Variants in ODAD2 observed in about 807,000 individuals in gnomAD.
The protein encoded by ODAD2 is outer dynein arm docking complex subunit 2, also known as outer dynein arm-docking complex subunit 2.
A neutral mutation model predicts 106.8 loss-of-function variants in ODAD2; 89 were observed. That is an observed-to-expected ratio of 0.83 (90% CI 0.70 to 0.99). The LOEUF is 0.99. Ranked by LOEUF, ODAD2 falls within the 50% of genes least tolerant of loss-of-function variation. ODAD2 has a pLI of 0.00. For synonymous variants in ODAD2, 404 were observed against 436.2 expected (o/e 0.93, Z 0.92); for missense variants, 1,168 against 1,238.5 (o/e 0.94, Z 0.85).
intron 17 of ODAD2, among the ~76,000 whole-genome samples, chr10:27,876,054 G>C (rs981104066): frequency 6.6e-6 from 1 of 152,182 alleles, no homozygotes; most frequent in Non-Finnish European, 1.5e-5. Context: ...CAGGAAGCTC[G>C]AACTGCGTGG....
intron 19 of ODAD2, among the ~76,000 whole-genome samples, chr10:27,839,716 A>G (rs560137168): frequency 1.3e-5 from 2 of 152,326 alleles, no homozygotes; most frequent in South Asian, 4.1e-4. Context: ...TAACATATAA[A>G]GATGTATAAT....
intron 7 of ODAD2, among the ~76,000 whole-genome samples, chr10:27,980,517 A>G (rs1849479037): frequency 6.6e-6 from 1 of 152,162 alleles, no homozygotes; most frequent in Non-Finnish European, 1.5e-5. Context: ...TAAGGACTCA[A>G]GCAGACATTT....
chr10:27,824,303 G>GT (rs1836868184), intron 19 of ODAD2, among the ~76,000 whole-genome samples: 1 of 152,176 alleles, frequency 6.6e-6, no homozygotes, highest in South Asian at 2.1e-4. Context: ...CATTGTAACA[G>GT]TATTAAGAAG....
chr10:27,874,563 C>A (rs1253934775), intron 17 of ODAD2, among the ~76,000 whole-genome samples: 1 of 152,216 alleles, frequency 6.6e-6, no homozygotes, highest in African/African-American at 2.4e-5. Context: ...GTGACAAAAT[C>A]TCTCAGCATT....
rs1718546368 is a variant in ODAD2 at position 27,985,201 on chromosome 10, GTC to G, written c.391_392del (p.Asp131ProfsTer9). 6.6e-7 allele frequency: 1 copy of G among 1,525,758 alleles called. No individual in the cohort carries two copies. Among genetic ancestry groups the G allele is most frequent in the African/African-American group, 1.4e-5 (1 of 70,462 alleles). The allele number at this position is 1,525,758 out of a possible 1,614,324, so 94.5% of individuals were successfully genotyped here. On this transcript the variant is annotated frameshift_variant, in exon 4 of 20. Transcript: ENST00000305242. LOFTEE classifies it high-confidence loss of function. ...CAGAGCCCAGGATTTTTACTATGGGGTCTCTGTTAGCTGCCAAAAAAAAAAAA... is the reference window on the plus strand; with the variant it reads ...CAGAGCCCAGGATTTTTACTATGGGGTCTGTTAGCTGCCAAAAAAAAAAAA... The part of the protein sequence containing the change: ...EAQACVEANR[D>X]PIVKILGSDY...
chr10:27,819,574 TA>T (rs56031733), intron 19 of ODAD2, among the ~76,000 whole-genome samples: 41,929 of 73,750 alleles, frequency 0.57, 12,689 homozygotes, highest in Non-Finnish European at 0.69. Flanking sequence ...CCCTGTCTCT[TA>T]AAAAAAAAAA....
chr10:27,994,685 A>G (rs1850444805), intron 2 of ODAD2, among the ~76,000 whole-genome samples: 1 of 152,178 alleles, frequency 6.6e-6, no homozygotes, highest in Non-Finnish European at 1.5e-5. Context: ...AAAGAAATTT[A>G]CCCACAAAAA....
At position 27,939,892 on chromosome 10, in the gene ODAD2, T is replaced by C. The variant is rs1846263013; in HGVS notation, c.2097+5A>G. On this transcript the variant is annotated splice_donor_5th_base_variant and intron_variant, in intron 14 of 19. Coordinates refer to ENST00000305242, the MANE Select transcript of ODAD2 (RefSeq NM_018076.5). ...GCCAACAACCGCTGGGAGAGTTCAC[T>C]GCACCTGGTAAATGGCCATGGCGCA... is the stretch of plus-strand genomic sequence containing the variant. 4 of 1,579,892 alleles carry C rather than the reference T, an allele frequency of 2.5e-6. No homozygotes were observed. The highest frequency in any genetic ancestry group is 3.4e-6 in the Non-Finnish European group (4 of 1,160,612).
chr10:27,869,818 A>G (rs1422366656), intron 17 of ODAD2, among the ~76,000 whole-genome samples: 2 of 152,104 alleles, frequency 1.3e-5, no homozygotes, highest in African/African-American at 4.8e-5. Flanking sequence ...TACAGGCATG[A>G]GCCACCATGC....
At chr10:27,877,039 G>A (rs148552356) in intron 17 of ODAD2, among the ~76,000 whole-genome samples, 25 of 151,734 alleles carry the variant, frequency 1.6e-4, no homozygotes, top group Admixed American at 1.3e-3. Context: ...ATCACTCAGT[G>A]AACATTCAAA....
intron 17 of ODAD2, among the ~76,000 whole-genome samples, chr10:27,894,689 A>T (rs927819075): frequency 6.6e-6 from 1 of 151,258 alleles, no homozygotes; most frequent in Non-Finnish European, 1.5e-5. Context: ...CAATCCTCCC[A>T]CCTCAGTCTC....
chr10:27,842,554 T>C (rs976825986), intron 19 of ODAD2, among the ~76,000 whole-genome samples: 1 of 152,196 alleles, frequency 6.6e-6, no homozygotes, highest in Non-Finnish European at 1.5e-5. Flanking sequence ...CTTCTACCAT[T>C]TGAAAGATTA....
At chr10:27,983,216 C>G (rs767891186) in intron 6 of ODAD2, among the ~76,000 whole-genome samples, 3 of 152,226 alleles carry the variant, frequency 2.0e-5, no homozygotes, top group Non-Finnish European at 2.9e-5. Flanking sequence ...TATCAGTCAT[C>G]CAGTGCTCCA....
intron 16 of ODAD2, among the ~76,000 whole-genome samples, chr10:27,928,695 C>T (rs898110299): frequency 2.0e-5 from 3 of 152,188 alleles, no homozygotes; most frequent in African/African-American, 7.2e-5. Context: ...GCAAAATCAT[C>T]TTATACAGAT....
At chr10:27,816,525 A>G (rs1317873377) in intron 19 of ODAD2, among the ~76,000 whole-genome samples, 1 of 152,204 alleles carries the variant, frequency 6.6e-6, no homozygotes, top group Non-Finnish European at 1.5e-5. Context: ...AAGTGAAAAC[A>G]GGAGGCTACT....
chr10:27,989,148 A>T (rs1850066957), intron 2 of ODAD2, among the ~76,000 whole-genome samples: 1 of 152,170 alleles, frequency 6.6e-6, no homozygotes, highest in African/African-American at 2.4e-5. Context: ...GGTTCATTTT[A>T]GACTTCTGAC....
At chr10:27,989,889 C>A (rs574729494) in intron 2 of ODAD2, among the ~76,000 whole-genome samples, 1 of 152,136 alleles carries the variant, frequency 6.6e-6, no homozygotes, top group South Asian at 2.1e-4. Context: ...TAAAAAACGC[C>A]AGCTATGGAC....
At chr10:27,916,640 T>C (rs1844396568) in intron 16 of ODAD2, among the ~76,000 whole-genome samples, 1 of 152,268 alleles carries the variant, frequency 6.6e-6, no homozygotes, top group Non-Finnish European at 1.5e-5. Context: ...GAAGATTCAC[T>C]TCCACTTAAT....
intron 10 of ODAD2, chr10:27,958,995 C>T (rs1847920211): frequency 7.7e-7 from 1 of 1,303,206 alleles, no homozygotes; most frequent in African/African-American, 1.5e-5. Context: ...AGATAATGGA[C>T]CGGGACTCTT....
Sources: gnomAD v4.1 joint callset for allele counts (sites outside exome capture counted in the v4.1 genomes callset) on GRCh38, gnomAD v4.1.1 for gene constraint, MANE v1.5 for transcripts, NCBI Gene and HGNC (gene_info 2026-07-23, HGNC 2026-07-21) for gene names.